BMERB1: variants seen among roughly 807,000 people sequenced by gnomAD.
The protein encoded by BMERB1 is bMERB domain-containing protein 1.
BMERB1 carries 12 observed loss-of-function variants against 23.6 expected under a neutral mutation model. The ratio of observed to expected loss-of-function variants is 0.51; its 90% confidence interval spans 0.33 to 0.82. BMERB1 has a LOEUF of 0.82. Among genes scored for constraint, BMERB1 ranks in the 40% least tolerant of loss-of-function variants. BMERB1 has a pLI of 0.03. For synonymous variants in BMERB1, 122 were observed against 96.6 expected, an observed-to-expected ratio of 1.26 and a Z score of -1.54; for missense variants, 247 against 255.4, an observed-to-expected ratio of 0.97 and a Z score of 0.22.
At chr16:15,509,309 C>T (rs1163805985) in intron 1 of BMERB1, among the ~76,000 whole-genome samples, 2 of 69,892 alleles carry the variant, frequency 2.9e-5, no homozygotes, top group African/African-American at 1.6e-4. Context: ...TGGTTAAGGT[C>T]ACGTGGTTGT....
At chr16:15,454,681 A>G (rs2051068783) in intron 1 of BMERB1, among the ~76,000 whole-genome samples, 1 of 152,082 alleles carries the variant, frequency 6.6e-6, no homozygotes, top group African/African-American at 2.4e-5. Flanking sequence ...AGTCACAGCT[A>G]CTCAGGAGGC....
At chr16:15,534,384 C>G (rs2052004934) in intron 2 of BMERB1, among the ~76,000 whole-genome samples, 1 of 150,156 alleles carries the variant, frequency 6.7e-6, no homozygotes, top group Non-Finnish European at 1.5e-5. Context: ...GAAACCCTGT[C>G]TCTACTAAGA....
intron 2 of BMERB1, among the ~76,000 whole-genome samples, chr16:15,547,013 C>CTTTT (rs34983068): frequency 7.7e-6 from 1 of 130,194 alleles, no homozygotes; most frequent in Non-Finnish European, 1.6e-5. Context: ...GCTCTTTTAG[C>CTTTT]TTTTTTTTTT....
At chr16:15,451,634 C>T (rs1396388130) in intron 1 of BMERB1, among the ~76,000 whole-genome samples, 1 of 145,076 alleles carries the variant, frequency 6.9e-6, no homozygotes, top group East Asian at 2.0e-4. Context: ...TCATGGCTCA[C>T]TGAAGCCTTG....
At chr16:15,519,104 CACACGT>C (rs1439968278) in intron 2 of BMERB1, among the ~76,000 whole-genome samples, 2 of 148,116 alleles carry the variant, frequency 1.4e-5, no homozygotes, top group East Asian at 3.9e-4. Flanking sequence ...CACACACACA[CACACGT>C]GAGACACTCT....
At chr16:15,499,740 T>C (rs2051509503) in intron 1 of BMERB1, among the ~76,000 whole-genome samples, 1 of 152,166 alleles carries the variant, frequency 6.6e-6, no homozygotes, top group Non-Finnish European at 1.5e-5. Flanking sequence ...ATCATTCAGG[T>C]TGTTCAGAGC....
chr16:15,511,199 C>T (rs565947199), intron 1 of BMERB1, among the ~76,000 whole-genome samples: 1 of 152,172 alleles, frequency 6.6e-6, no homozygotes. Flanking sequence ...ACATTTCCTA[C>T]AAATCCTCTG....
At chr16:15,455,283 A>G (rs2051075941) in intron 1 of BMERB1, among the ~76,000 whole-genome samples, 1 of 149,704 alleles carries the variant, frequency 6.7e-6, no homozygotes, top group Non-Finnish European at 1.5e-5. Flanking sequence ...GAGATGGCGC[A>G]ACTGCACTCC....
At chr16:15,503,415 G>C (rs153790) in intron 1 of BMERB1, among the ~76,000 whole-genome samples, 39,926 of 150,842 alleles carry the variant, frequency 0.26, 6,436 homozygotes, top group East Asian at 0.54. Flanking sequence ...CTGAGTAGCT[G>C]GGACTACAGG....
intron 1 of BMERB1, among the ~76,000 whole-genome samples, chr16:15,501,287 CTTTTTTT>C (rs71152437): frequency 2.3e-4 from 15 of 64,922 alleles, no homozygotes; most frequent in African/African-American, 8.6e-4. Flanking sequence ...GCTCTTTTTA[CTTTTTTT>C]TTTTTTTTTT....
chr16:15,434,671 T>A lies in BMERB1; in HGVS notation c.18T>A (p.Ser6=). 1 of 1,613,954 alleles carries A rather than the reference T, an allele frequency of 6.2e-7. No individual in the cohort carries two copies. The highest frequency in any genetic ancestry group is 8.5e-7 in the Non-Finnish European group (1 of 1,179,896). Residue 6 remains serine, a synonymous_variant, in exon 1 of 6, where the codon TCT becomes TCA. Coordinates refer to ENST00000300006, the MANE Select transcript of BMERB1 (RefSeq NM_033201.3). MELKQ[S]LSTHLEAEKP... is the part of the protein sequence containing the mutation. ...GATCAGCGATGGAATTAAAGCAATC[T>A]TTGTCCACCCATCTGGAAGCCGAGA... is the stretch of plus-strand genomic sequence containing the variant.
chr16:15,505,544 T>C (rs974185576), intron 1 of BMERB1, among the ~76,000 whole-genome samples: 1 of 152,168 alleles, frequency 6.6e-6, no homozygotes, highest in African/African-American at 2.4e-5. Flanking sequence ...GTAAGAGTCA[T>C]TTATTGTCTG....
At chr16:15,450,507 A>G (rs774456662) in intron 1 of BMERB1, among the ~76,000 whole-genome samples, 12 of 152,020 alleles carry the variant, frequency 7.9e-5, no homozygotes, top group African/African-American at 2.2e-4. Context: ...GTCTTGCTCT[A>G]TTGTTCAGGC....
chr16:15,477,167 T>A (rs1164377544), intron 1 of BMERB1, among the ~76,000 whole-genome samples: 1 of 152,104 alleles, frequency 6.6e-6, no homozygotes, highest in Non-Finnish European at 1.5e-5. Context: ...CCCTTCCACA[T>A]GTCTGGGGAG....
intron 1 of BMERB1, among the ~76,000 whole-genome samples, chr16:15,486,420 A>T (rs561574292): frequency 2.6e-5 from 4 of 151,944 alleles, no homozygotes; most frequent in African/African-American, 9.7e-5. Flanking sequence ...CACCACCTCT[A>T]CCTCTTGACT....
At chr16:15,584,735 C>A (rs1462107626) in intron 5 of BMERB1, among the ~76,000 whole-genome samples, 1 of 152,150 alleles carries the variant, frequency 6.6e-6, no homozygotes, top group Admixed American at 6.5e-5. Context: ...ATGTAAGCAT[C>A]ATTTTTTCCT....
At chr16:15,478,422 A>G (rs1394993090) in intron 1 of BMERB1, among the ~76,000 whole-genome samples, 2 of 152,046 alleles carry the variant, frequency 1.3e-5, no homozygotes, top group African/African-American at 4.8e-5. Context: ...CAGCCTCCCA[A>G]AGTGTTGGGA....
Position 15,434,739 on chromosome 16 carries a change from A to G in BMERB1, c.86A>G (p.Lys29Arg). ...RYGAVEETAW[K>R]TERLGRNQLD... The stretch of plus-strand genomic sequence containing the variant: ...GGGGCGGTGGAGGAGACGGCTTGGA[A>G]AACGGAGAGACTGGGGAGAAGTGAG... Residue 29 changes from lysine (K) to arginine (R), a missense_variant, in exon 1 of 6, where the codon AAA becomes AGA. By Grantham distance (26) the Lys-to-Arg change is conservative (BLOSUM62 2). Transcript: ENST00000300006. 7.4e-7 allele frequency: 1 copy of G among 1,349,040 alleles called. No homozygotes were observed. The highest frequency in any genetic ancestry group is 1.0e-6 in the Non-Finnish European group (1 of 990,132). The allele number at this position is 1,349,040 out of a possible 1,614,324, so 83.6% of individuals were successfully genotyped here. A position where few individuals can be genotyped will look rare whatever the true frequency, so the allele number is the denominator to read the frequency against.
At position 15,468,130 on chromosome 16, in the gene BMERB1, TTC is replaced by T. The variant is rs1491067918; in HGVS notation, c.106+33373_106+33374del. On this transcript the variant is annotated intron_variant, in intron 1 of 5. Transcript: ENST00000300006. The stretch of plus-strand genomic sequence containing the variant: ...TTCTTTTCTTTTCTTTCTTTCTTTC[TTC>T]TTCTTTTTTTTTTTTTTTTTTTTTT... Among the ~76,000 whole-genome samples, 455 of 78,524 alleles carry T rather than the reference TTC, an allele frequency of 5.8e-3. 7 individuals are homozygous for T. Among genetic ancestry groups the T allele is most frequent in the African/African-American group, 0.017 (427 of 25,770 alleles). 51.5% of individuals were successfully genotyped at this position (78,524 alleles called of 152,430 possible). A position where few individuals can be genotyped will look rare whatever the true frequency, so the allele number is the denominator to read the frequency against.
Sources: allele counts gnomAD v4.1 joint callset (sites outside exome capture counted in the v4.1 genomes callset), GRCh38; gene constraint gnomAD v4.1.1; transcripts MANE v1.5; gene names NCBI Gene and HGNC (gene_info 2026-07-23, HGNC 2026-07-21).